GRHL2: variants seen among roughly 807,000 people sequenced by gnomAD.
GRHL2 encodes grainyhead-like protein 2 homolog.
Under a neutral mutation model 83.8 loss-of-function variants are expected in GRHL2, and 21 were observed. The observed-to-expected ratio is 0.25, with a 90% confidence interval of 0.18 to 0.36. The LOEUF (loss-of-function observed/expected upper bound fraction) is 0.36. GRHL2 is among the 10% of genes least tolerant of loss of function. The pLI, the probability that GRHL2 is intolerant of heterozygous loss-of-function variation, is 1.00. For missense variants in GRHL2, 623 were observed against 781.8 expected, an observed-to-expected ratio of 0.80 and a Z score of 2.42; for synonymous variants, 280 against 278.9, an observed-to-expected ratio of 1.00 and a Z score of -0.04.
intron 8 of GRHL2, among the ~76,000 whole-genome samples, chr8:101,603,260 AC>A (rs1408116229): frequency 1.3e-5 from 2 of 152,232 alleles, no homozygotes; most frequent in African/African-American, 4.8e-5. Flanking sequence ...CATTGGAGAA[AC>A]CTGTATGTCT....
downstream of GRHL2, among the ~76,000 whole-genome samples, chr8:101,670,195 G>A (rs1022003824): frequency 3.3e-5 from 5 of 152,148 alleles, no homozygotes; most frequent in African/African-American, 4.8e-5. Context: ...CTGTTGGCTC[G>A]AATGTGAACA....
intron 9 of GRHL2, among the ~76,000 whole-genome samples, chr8:101,621,117 A>G (rs1206405121): frequency 6.6e-6 from 1 of 152,226 alleles, no homozygotes; most frequent in Non-Finnish European, 1.5e-5. Context: ...CCATGAAGCT[A>G]GAAGAAATCC....
At chr8:101,532,882 G>A (rs1810967913) in intron 1 of GRHL2, among the ~76,000 whole-genome samples, 1 of 152,034 alleles carries the variant, frequency 6.6e-6, no homozygotes, top group Non-Finnish European at 1.5e-5. Flanking sequence ...TTGAGACAGA[G>A]TACATAGCAT....
At chr8:101,621,604 G>T (rs1410392953) in intron 9 of GRHL2, among the ~76,000 whole-genome samples, 3 of 152,080 alleles carry the variant, frequency 2.0e-5, no homozygotes, top group African/African-American at 7.2e-5. Context: ...GAAAGATAAA[G>T]ATGTAATATA....
In GRHL2 at chr8:101,669,707, T is replaced by C. The variant is rs1222635146; in HGVS notation, c.*3004T>C. ...CATTTTTAAGGAGAAAAAATAAATA[T>C]TCATAACATAAGAGTAAAACAACAG... On this transcript the variant is annotated 3_prime_UTR_variant, in exon 16 of 16. Coordinates refer to ENST00000646743, the MANE Select transcript of GRHL2 (RefSeq NM_024915.4). The C allele has an allele frequency of 6.6e-6, 1 of 152,224 alleles. No homozygotes were observed. The highest frequency in any genetic ancestry group is 2.4e-5 in the African/African-American group (1 of 41,340). 9.4% of individuals were successfully genotyped at this position (152,224 alleles called of 1,614,324 possible). A position where few individuals can be genotyped will look rare whatever the true frequency, so the allele number is the denominator to read the frequency against.
rs147519589 is a variant in GRHL2 at position 101,663,614 on chromosome 8, A to AAAATAAATAAATAAAT, written c.1699-824_1699-809dup. The stretch of plus-strand genomic sequence containing the variant: ...GAACCAGAGCAAGATTCCATCTCAA[A>AAAATAAATAAATAAAT]AAATAAATAAATAAATAAATAAATA... On this transcript the variant is annotated intron_variant, in intron 14 of 15. Transcript: ENST00000646743. Among the ~76,000 whole-genome samples, 389 of 133,940 alleles carry AAAATAAATAAATAAAT rather than the reference A, an allele frequency of 2.9e-3. 2 individuals carry two copies. The highest frequency in any genetic ancestry group is 9.9e-3 in the African/African-American group (334 of 33,804). The allele number at this position is 133,940 out of a possible 152,430, so 87.9% of individuals were successfully genotyped here. A position where few individuals can be genotyped will look rare whatever the true frequency, so the allele number is the denominator to read the frequency against.
rs1315339486 is a variant in GRHL2 at position 101,573,815 on chromosome 8, C to T, written c.882C>T (p.Ser294=). Residue 294 remains serine, a synonymous_variant, in exon 6 of 16, where the codon AGC becomes AGT. Coordinates refer to ENST00000646743, the MANE Select transcript of GRHL2 (RefSeq NM_024915.4). ...ACAAATGCTTCCGACACCCCATCAG[C>T]AAAGTCAGGGTAGGGGCCACATTTC... The part of the protein sequence containing the change: ...GDNKCFRHPI[S]KVRSVVMVVF... The T allele has an allele frequency of 2.5e-6, 4 of 1,614,044 alleles. No individual in the cohort carries two copies. Among genetic ancestry groups the T allele is most frequent in the Non-Finnish European group, 3.4e-6 (4 of 1,180,036 alleles).
At chr8:101,621,848 T>C (rs1219168970) in intron 9 of GRHL2, among the ~76,000 whole-genome samples, 1 of 151,918 alleles carries the variant, frequency 6.6e-6, no homozygotes, top group Admixed American at 6.6e-5. Flanking sequence ...CGGTGACCTA[T>C]GCTCCAGCCT....
At chr8:101,564,784 C>G (rs1287672401) in intron 4 of GRHL2, among the ~76,000 whole-genome samples, 3 of 122,476 alleles carry the variant, frequency 2.4e-5, no homozygotes, top group Non-Finnish European at 4.8e-5. Flanking sequence ...TGCACTCCAA[C>G]TTGGGTGACA....
chr8:101,558,921 C>A, intron 4 of GRHL2, 109 bp downstream of exon 4: 3 of 1,206,362 alleles, frequency 2.5e-6, no homozygotes, highest in Non-Finnish European at 3.6e-6. Context: ...CAAGTTTTAG[C>A]TTCAATTAGT....
intron 11 of GRHL2, among the ~76,000 whole-genome samples, chr8:101,633,845 A>T (rs1563617815): frequency 6.6e-6 from 1 of 152,106 alleles, no homozygotes. Context: ...AGTTGAGTTA[A>T]ATTGTTCTTA....
chr8:101,644,212 A>C lies in GRHL2; in HGVS notation c.1599A>C (p.Glu533Asp). The C allele has an allele frequency of 6.2e-7, 1 of 1,613,762 alleles. No individual in the cohort carries two copies. Among genetic ancestry groups the C allele is most frequent in the Non-Finnish European group, 8.5e-7 (1 of 1,179,732 alleles). The stretch of plus-strand genomic sequence containing the variant: ...TGCCTTCAAAGCAGATGAAAGAAGA[A>C]GGGACAAAGCGAGGTATCTCTCCTG... ...GPVPSKQMKEEGTKRVLLYVR... is the reference protein window; with the variant it reads ...GPVPSKQMKEDGTKRVLLYVR... Residue 533 changes from glutamate to aspartate, a missense_variant, in exon 13 of 16, where the codon GAA becomes GAC. Physicochemically the swap from Glu to Asp is conservative, Grantham distance 45 (BLOSUM62 2). This residue lies in a region of GRHL2 where 210 missense variants were observed against 254.8 expected (regional missense o/e 0.82). Coordinates refer to ENST00000646743, the MANE Select transcript of GRHL2 (RefSeq NM_024915.4).
intron 12 of GRHL2, among the ~76,000 whole-genome samples, chr8:101,637,737 AT>A (rs1813318208): frequency 6.6e-6 from 1 of 152,144 alleles, no homozygotes; most frequent in African/African-American, 2.4e-5. Flanking sequence ...TCATCACACT[AT>A]TGGACGATTC....
At chr8:101,578,901 C>A (rs1240113114) in intron 7 of GRHL2, among the ~76,000 whole-genome samples, 2 of 152,186 alleles carry the variant, frequency 1.3e-5, no homozygotes, top group African/African-American at 4.8e-5. Context: ...GTTTTTCTTG[C>A]AAAATAGTTA....
chr8:101,614,782 T>C (rs1361028959), intron 8 of GRHL2, among the ~76,000 whole-genome samples: 1 of 152,236 alleles, frequency 6.6e-6, no homozygotes, highest in African/African-American at 2.4e-5. Context: ...TTAGTTAATG[T>C]CTTTCCATGA....
At chr8:101,663,970 T>C (rs1813985504) in intron 14 of GRHL2, among the ~76,000 whole-genome samples, 1 of 152,172 alleles carries the variant, frequency 6.6e-6, no homozygotes, top group Non-Finnish European at 1.5e-5. Flanking sequence ...GACCTTTTTC[T>C]TTAGGTTTCA....
intron 1 of GRHL2, among the ~76,000 whole-genome samples, chr8:101,503,639 A>G (rs1421006728): frequency 6.6e-6 from 1 of 152,248 alleles, no homozygotes; most frequent in Non-Finnish European, 1.5e-5. Flanking sequence ...ATAAAGTGCC[A>G]CATGATTTTT....
chr8:101,527,882 G>A (rs1385042049), intron 1 of GRHL2, among the ~76,000 whole-genome samples: 1 of 152,188 alleles, frequency 6.6e-6, no homozygotes, highest in Non-Finnish European at 1.5e-5. Context: ...TGATATGGAT[G>A]AGAAGTTTAT....
At chr8:101,613,823 T>C (rs1812800737) in intron 8 of GRHL2, among the ~76,000 whole-genome samples, 1 of 151,074 alleles carries the variant, frequency 6.6e-6, no homozygotes, top group African/African-American at 2.5e-5. Flanking sequence ...TTTAGAGGCT[T>C]CTCCTGTGCA....
Sources: gnomAD v4.1 joint callset for allele counts (sites outside exome capture counted in the v4.1 genomes callset) on GRCh38, gnomAD v4.1.1 for gene constraint, gnomAD v4.1.1 regional missense constraint, MANE v1.5 for transcripts, NCBI Gene and HGNC (gene_info 2026-07-23, HGNC 2026-07-21) for gene names.